The following CCNYL1 variants were observed in gnomAD, a reference collection of about 807,000 sequenced individuals.
The protein encoded by CCNYL1 is cyclin-Y-like protein 1.
Under a neutral mutation model 44.2 loss-of-function variants are expected in CCNYL1, and 16 were observed. That is an observed-to-expected ratio of 0.36 (90% CI 0.25 to 0.55). CCNYL1 has a LOEUF of 0.55. Among genes scored for constraint, CCNYL1 ranks in the 20% least tolerant of loss-of-function variants. The pLI is 0.85. For synonymous variants in CCNYL1, 159 were observed against 163.2 expected (o/e 0.97, Z 0.20); for missense variants, 348 against 451.8 (o/e 0.77, Z 2.08).
intron 8 of CCNYL1, among the ~76,000 whole-genome samples, chr2:207,748,402 A>G (rs1175632586): frequency 6.6e-6 from 1 of 152,160 alleles, no homozygotes; most frequent in Non-Finnish European, 1.5e-5. Flanking sequence ...GATGGCACCA[A>G]TATGACCCTG....
At chr2:207,741,127 C>T (rs1353338049) in intron 6 of CCNYL1, among the ~76,000 whole-genome samples, 1 of 151,830 alleles carries the variant, frequency 6.6e-6, no homozygotes, top group African/African-American at 2.4e-5. Context: ...CGGTGGCAGG[C>T]GCCTGTAGTC....
At chr2:207,742,492 T>G (rs778790998) in intron 7 of CCNYL1, 150 bp downstream of exon 7, 52 of 732,124 alleles carry the variant, frequency 7.1e-5, no homozygotes, top group Non-Finnish European at 1.1e-4. Flanking sequence ...TACATTCGCG[T>G]TTAATCATCA....
At chr2:207,747,492 G>T (rs776414986) in intron 8 of CCNYL1, among the ~76,000 whole-genome samples, 1 of 145,384 alleles carries the variant, frequency 6.9e-6, no homozygotes, top group African/African-American at 2.7e-5. Flanking sequence ...GTGGTTTTTG[G>T]CAAAAATCTT....
chr2:207,736,558 C>T (rs981376509), intron 4 of CCNYL1, among the ~76,000 whole-genome samples: 1 of 152,160 alleles, frequency 6.6e-6, no homozygotes, highest in African/African-American at 2.4e-5. Context: ...ATAGCTACAC[C>T]TATCATTGGT....
intron 1 of CCNYL1, among the ~76,000 whole-genome samples, chr2:207,714,137 TCAGA>T (rs916540118): frequency 1.3e-5 from 2 of 152,192 alleles, no homozygotes; most frequent in African/African-American, 4.8e-5. Flanking sequence ...TTCTCAGTTC[TCAGA>T]CTGACATGGA....
At chr2:207,730,592 T>C (rs1301101452) in intron 3 of CCNYL1, among the ~76,000 whole-genome samples, 3 of 151,988 alleles carry the variant, frequency 2.0e-5, no homozygotes, top group African/African-American at 7.3e-5. Context: ...ACTCCGTTTC[T>C]ACTAAAAATA....
At chr2:207,718,985 A>C (rs1263628828) in intron 1 of CCNYL1, among the ~76,000 whole-genome samples, 1 of 152,198 alleles carries the variant, frequency 6.6e-6, no homozygotes, top group Non-Finnish European at 1.5e-5. Context: ...TAAAAAAAAA[A>C]AAAACTCTCT....
intron 1 of CCNYL1, 93 bp downstream of exon 1, chr2:207,712,209 C>T (rs1379887929): frequency 3.7e-6 from 4 of 1,088,432 alleles, no homozygotes; most frequent in South Asian, 3.0e-5. Flanking sequence ...GCCTCGGGCT[C>T]CTTCCTGCCG....
intron 8 of CCNYL1, 114 bp from the exon 9 acceptor site, chr2:207,750,843 A>G (rs2091885948): frequency 4.8e-6 from 4 of 834,154 alleles, no homozygotes; most frequent in African/African-American, 1.7e-5. Flanking sequence ...TGGGTAGCCT[A>G]TATTTTAAAA....
At chr2:207,744,916 G>T (rs907205982) in intron 7 of CCNYL1, among the ~76,000 whole-genome samples, 2 of 152,196 alleles carry the variant, frequency 1.3e-5, no homozygotes, top group Non-Finnish European at 2.9e-5. Context: ...GCACAGTCTG[G>T]TGTGGGATAA....
chr2:207,737,211 G>A (rs891971229), intron 4 of CCNYL1, among the ~76,000 whole-genome samples, 200 bp from the exon 5 acceptor site: 1 of 152,086 alleles, frequency 6.6e-6, no homozygotes, highest in Non-Finnish European at 1.5e-5. Context: ...CACTGCGCCC[G>A]GCCTTACTTA....
intron 5 of CCNYL1, 123 bp from the exon 6 acceptor site, chr2:207,740,530 CTT>C (rs1575219835): frequency 2.9e-6 from 2 of 687,964 alleles, no homozygotes; most frequent in East Asian, 5.3e-5. Context: ...TTGTACAACT[CTT>C]TGCTTTGGTG....
At chr2:207,739,950 T>A (rs188574918) in intron 5 of CCNYL1, among the ~76,000 whole-genome samples, 51 of 152,298 alleles carry the variant, frequency 3.3e-4, no homozygotes, top group African/African-American at 7.9e-4. Context: ...TCTTTTTTTT[T>A]AAATTATTTT....
At chr2:207,735,467 C>T (rs1163031519) in intron 4 of CCNYL1, among the ~76,000 whole-genome samples, 1 of 152,194 alleles carries the variant, frequency 6.6e-6, no homozygotes. Flanking sequence ...GCATGTGAGG[C>T]ATAATTACAC....
chr2:207,727,142 C>T (rs1575212832), intron 3 of CCNYL1, among the ~76,000 whole-genome samples: 1 of 151,902 alleles, frequency 6.6e-6, no homozygotes, highest in African/African-American at 2.4e-5. Context: ...ATATTTTTGC[C>T]TAAAGTTTTT....
intron 7 of CCNYL1, among the ~76,000 whole-genome samples, chr2:207,744,555 A>G (rs1397837379): frequency 6.7e-6 from 1 of 148,624 alleles, no homozygotes; most frequent in East Asian, 2.0e-4. Context: ...TTTTAAGTAG[A>G]GACCGGGCTT....
At chr2:207,725,037 G>C (rs2091669634) in intron 2 of CCNYL1, among the ~76,000 whole-genome samples, 163 bp downstream of exon 2, 1 of 151,538 alleles carries the variant, frequency 6.6e-6, no homozygotes, top group African/African-American at 2.4e-5. Flanking sequence ...CTTTAGTTGT[G>C]ATTGTTTAGT....
At chr2:207,734,980 C>G (rs918139226) in intron 4 of CCNYL1, among the ~76,000 whole-genome samples, 6 of 152,090 alleles carry the variant, frequency 3.9e-5, no homozygotes, top group African/African-American at 1.4e-4. Context: ...AGCCAAGGTC[C>G]TAAATCCTTG....
At chr2:207,714,248 C>G (rs2091575289) in intron 1 of CCNYL1, 6 of 387,862 alleles carry the variant, frequency 1.5e-5, no homozygotes, top group South Asian at 1.2e-4. Flanking sequence ...TGAGAACTTA[C>G]TTCGGTCTTG....
Sources: gnomAD v4.1 joint callset for allele counts (sites outside exome capture counted in the v4.1 genomes callset) on GRCh38, gnomAD v4.1.1 for gene constraint, MANE v1.5 for transcripts, NCBI Gene and HGNC (gene_info 2026-07-23, HGNC 2026-07-21) for gene names.